The following CSMD3 variants were observed in gnomAD, a reference collection of about 807,000 sequenced individuals.
CSMD3 encodes the protein CUB and sushi domain-containing protein 3.
CSMD3 carries 177 observed loss-of-function variants against 435.2 expected under a neutral mutation model. The ratio of observed to expected loss-of-function variants is 0.41; its 90% CI spans 0.36 to 0.46. The LOEUF is 0.46. Ranked by LOEUF, CSMD3 falls within the 20% of genes least tolerant of loss-of-function variation. The pLI is 0.34. For synonymous variants in CSMD3, 1,656 were observed against 1,520.5 expected (o/e 1.09, Z -2.07); for missense variants, 4,265 against 4,504.6 (o/e 0.95, Z 1.52).
At chr8:112,414,605 A>T (rs1340929702) in intron 32 of CSMD3, among the ~76,000 whole-genome samples, 1 of 152,238 alleles carries the variant, frequency 6.6e-6, no homozygotes, top group Admixed American at 6.5e-5. Flanking sequence ...GCTGCTACAA[A>T]GATACCTGAA....
At chr8:113,141,518 G>C (rs1193565201) in intron 4 of CSMD3, among the ~76,000 whole-genome samples, 1 of 150,596 alleles carries the variant, frequency 6.6e-6, no homozygotes, top group African/African-American at 2.4e-5. Flanking sequence ...ATACAAAGCT[G>C]GTTAAATATT....
chr8:113,005,592 G>T (rs1237327048), intron 6 of CSMD3, among the ~76,000 whole-genome samples: 2 of 151,746 alleles, frequency 1.3e-5, no homozygotes, highest in Admixed American at 6.6e-5. Context: ...AATCACTCAA[G>T]ATTTAAAAAA....
intron 27 of CSMD3, among the ~76,000 whole-genome samples, chr8:112,525,799 T>C (rs1239054899): frequency 0.016 from 2,081 of 131,332 alleles, 55 homozygotes; most frequent in African/African-American, 0.057. Flanking sequence ...TATATATGTA[T>C]ATATATATAT....
intron 10 of CSMD3, among the ~76,000 whole-genome samples, chr8:112,861,332 A>C (rs1372767857): frequency 6.6e-6 from 1 of 151,886 alleles, no homozygotes; most frequent in Non-Finnish European, 1.5e-5. Context: ...CCGATGGAAT[A>C]AAGTACAAAT....
intron 3 of CSMD3, among the ~76,000 whole-genome samples, chr8:113,263,870 C>G (rs938449374): frequency 6.6e-6 from 1 of 151,600 alleles, no homozygotes; most frequent in African/African-American, 2.4e-5. Flanking sequence ...ATTTCAAGTA[C>G]TGAGAAAATG....
At chr8:112,847,782 A>G (rs2080367923) in intron 11 of CSMD3, among the ~76,000 whole-genome samples, 1 of 152,132 alleles carries the variant, frequency 6.6e-6, no homozygotes, top group Admixed American at 6.6e-5. Context: ...CTAAAGATGG[A>G]AAAGTGACAA....
chr8:112,429,122 A>ATACACCATGC (rs1394051430), intron 32 of CSMD3, among the ~76,000 whole-genome samples: 1 of 152,040 alleles, frequency 6.6e-6, no homozygotes, highest in East Asian at 1.9e-4. Flanking sequence ...ATGCTGTATA[A>ATACACCATGC]TGTATCTCTA....
chr8:112,666,755 T>C (rs2075535423), intron 16 of CSMD3, among the ~76,000 whole-genome samples: 1 of 152,124 alleles, frequency 6.6e-6, no homozygotes, highest in South Asian at 2.1e-4. Context: ...GTTGTTAGCT[T>C]TGGTTTCTTT....
chr8:112,540,327 T>C (rs562516670), intron 27 of CSMD3, among the ~76,000 whole-genome samples: 3 of 152,102 alleles, frequency 2.0e-5, no homozygotes, highest in South Asian at 4.2e-4. Flanking sequence ...TCATGCACTG[T>C]TGGTGTGAAT....
intron 1 of CSMD3, among the ~76,000 whole-genome samples, chr8:113,328,205 G>A (rs1228478929): frequency 3.3e-5 from 5 of 151,948 alleles, no homozygotes; most frequent in African/African-American, 7.2e-5. Flanking sequence ...TTGGGAGGCC[G>A]AGGCGGGCGG....
At position 112,399,217 on chromosome 8, in the gene CSMD3, A is replaced by T. The variant is rs117296660; in HGVS notation, c.5809+7307T>A. ...TTTGAATAGGTCTTCCCATTTTCCC[A>T]ATACAGGTAGGTTGAAAGTTTTTAA... On this transcript the variant is annotated intron_variant, in intron 35 of 70. Transcript: ENST00000297405. 1.9e-3 allele frequency among the ~76,000 whole-genome samples: 290 copies of T among 151,816 alleles called. 1 individual carries two copies. The highest frequency in any genetic ancestry group is 3.5e-3 in the Non-Finnish European group (240 of 67,968).
chr8:113,073,082 C>A (rs182218299), intron 5 of CSMD3, among the ~76,000 whole-genome samples: 1 of 151,834 alleles, frequency 6.6e-6, no homozygotes, highest in East Asian at 1.9e-4. Context: ...ATCAGGAAAT[C>A]TCTCCCGAAT....
At chr8:112,901,527 G>A (rs982619553) in intron 10 of CSMD3, among the ~76,000 whole-genome samples, 3 of 151,218 alleles carry the variant, frequency 2.0e-5, no homozygotes, top group African/African-American at 4.8e-5. Context: ...CTTGAAATCC[G>A]CCATTGTACT....
chr8:112,762,344 C>A (rs941162158), intron 13 of CSMD3, among the ~76,000 whole-genome samples: 8 of 151,828 alleles, frequency 5.3e-5, no homozygotes, highest in African/African-American at 1.7e-4. Flanking sequence ...TTAGATGATT[C>A]AATTCAAGCA....
chr8:112,306,192 G>T lies in CSMD3; in HGVS notation c.7886C>A (p.Ala2629Glu), dbSNP rs773656685. Residue 2629 changes from alanine to glutamate, a missense_variant and splice_region_variant, in exon 51 of 71, where the codon GCA (alanine) becomes GAA (glutamate). Ala to Glu is a moderately radical substitution (Grantham distance 107, BLOSUM62 -1). Coordinates refer to ENST00000297405, the MANE Select transcript of CSMD3 (RefSeq NM_198123.2). The part of the protein sequence containing the change: ...AWDAPVPACQ[A>E]ISCGIPKAPT... The stretch of plus-strand genomic sequence containing the variant: ...AGCTTTAGGAATCCCACAGGAAATT[G>T]CTAGAAAAACATACACACAAGCAAA... 3.1e-6 allele frequency: 5 copies of T among 1,611,894 alleles called. No individual in the cohort carries two copies. Among genetic ancestry groups the T allele is most frequent in the Admixed American group, 1.7e-5 (1 of 59,928 alleles).
At chr8:112,574,982 A>C (rs1288285143) in intron 23 of CSMD3, among the ~76,000 whole-genome samples, 2 of 151,980 alleles carry the variant, frequency 1.3e-5, no homozygotes, top group Non-Finnish European at 2.9e-5. Context: ...ATGATGTTTT[A>C]GGTGGTACAC....
chr8:112,310,824 A>C, intron 50 of CSMD3, 154 bp downstream of exon 50: 1 of 721,574 alleles, frequency 1.4e-6, no homozygotes, highest in East Asian at 2.7e-5. Context: ...GGAATTTATC[A>C]TTCTGCAATG....
intron 32 of CSMD3, among the ~76,000 whole-genome samples, chr8:112,458,652 C>T (rs1380629626): frequency 6.6e-6 from 1 of 152,068 alleles, no homozygotes; most frequent in Admixed American, 6.6e-5. Flanking sequence ...GATATTCTCT[C>T]ACAAAAAGAG....
chr8:113,097,708 A>G (rs1175034739), intron 5 of CSMD3, among the ~76,000 whole-genome samples: 1 of 152,106 alleles, frequency 6.6e-6, no homozygotes, highest in Non-Finnish European at 1.5e-5. Flanking sequence ...CCAATTAAAT[A>G]TATTCAAAAC....
Sources: allele counts gnomAD v4.1 joint callset (sites outside exome capture counted in the v4.1 genomes callset), GRCh38; gene constraint gnomAD v4.1.1; transcripts MANE v1.5; gene names NCBI Gene and HGNC (gene_info 2026-07-23, HGNC 2026-07-21).